The following ZNF197 variants were observed in gnomAD, a reference collection of about 807,000 sequenced individuals.
The protein encoded by ZNF197 is zinc finger protein 197.
Under a neutral mutation model 27.4 loss-of-function variants are expected in ZNF197, and 14 were observed. The ratio of observed to expected loss-of-function variants is 0.51; its 90% CI spans 0.34 to 0.80. ZNF197 has a LOEUF of 0.80. ZNF197 is among the 30% of genes least tolerant of loss of function. The probability of loss-of-function intolerance (pLI) is 0.02; values close to 1 mark genes in which losing one functional copy is unlikely to be tolerated. For missense variants in ZNF197, 1,090 were observed against 1,222.6 expected, an observed-to-expected ratio of 0.89 and a Z score of 1.62; for synonymous variants, 415 against 420.0, an observed-to-expected ratio of 0.99 and a Z score of 0.15.
At position 44,632,069 on chromosome 3, in the gene ZNF197, T is replaced by C. The variant is rs544378003; in HGVS notation, c.551-36T>C. On this transcript the variant is annotated intron_variant, in intron 3 of 5. Coordinates refer to ENST00000344387, the MANE Select transcript of ZNF197 (RefSeq NM_006991.5). Reference sequence around the variant, plus strand: ...CAAGTGGGGTCACTCAGAAAAGGTTTGTAGGTCCCATATGCAGCTTTTTCT... The same window carrying C: ...CAAGTGGGGTCACTCAGAAAAGGTTCGTAGGTCCCATATGCAGCTTTTTCT... The C allele has an allele frequency of 2.2e-5, 35 of 1,596,344 alleles. No homozygotes were observed. The East Asian group carries it at 7.2e-4, about 33-fold the overall frequency.
intron 2 of ZNF197, among the ~76,000 whole-genome samples, chr3:44,629,851 A>G (rs568378906): frequency 1.0e-4 from 15 of 150,438 alleles, no homozygotes; most frequent in African/African-American, 3.6e-4. Context: ...AGAAATGTTA[A>G]TAAGTTTTTC....
At position 44,632,095 on chromosome 3, in the gene ZNF197, C is replaced by T. The variant is rs1702046269; in HGVS notation, c.551-10C>T. The T allele has an allele frequency of 6.2e-7, 1 of 1,613,842 alleles. No homozygotes were observed. Among genetic ancestry groups the T allele is most frequent in the South Asian group, 1.1e-5 (1 of 91,064 alleles). On this transcript the variant is annotated splice_polypyrimidine_tract_variant and intron_variant, in intron 3 of 5. Coordinates refer to ENST00000344387, the MANE Select transcript of ZNF197 (RefSeq NM_006991.5). ...GTAGGTCCCATATGCAGCTTTTTCT[C>T]CCTCCTCAGATTCTCCTGCCCCTGA...
chr3:44,642,769 T>G lies in ZNF197; in HGVS notation c.1639T>G (p.Phe547Val). 1 of 1,613,670 alleles carries G rather than the reference T, an allele frequency of 6.2e-7. No individual in the cohort carries two copies. Among genetic ancestry groups the G allele is most frequent in the Non-Finnish European group, 8.5e-7 (1 of 1,179,972 alleles). ...TAAATGTGATGAATGTGGAAAGACC[T>G]TTGCTCAGACCACTTATCTTATTGA... ...PYKCDECGKT[F>V]AQTTYLIDHQ... Residue 547 changes from phenylalanine (F) to valine (V), a missense_variant, in exon 6 of 6, where the codon TTT becomes GTT. Physicochemically the swap from Phe to Val is conservative, Grantham distance 50. Coordinates refer to ENST00000344387, the MANE Select transcript of ZNF197 (RefSeq NM_006991.5).
Position 44,643,101 on chromosome 3 carries a change from A to G in ZNF197, c.1971A>G (p.Lys657=). The change falls in exon 6 of 6, where the codon AAA becomes AAG. Residue 657 remains lysine, a synonymous_variant. Transcript: ENST00000344387. ...EKPYECNECG[K]VFILKKSLIL... ...CCTATGAATGTAATGAATGTGGGAAAGTTTTTATTCTGAAGAAGAGCCTCA... is the reference window on the plus strand; with the variant it reads ...CCTATGAATGTAATGAATGTGGGAAGGTTTTTATTCTGAAGAAGAGCCTCA... The G allele has an allele frequency of 6.2e-7, 1 of 1,613,822 alleles. No individual in the cohort carries two copies. Among genetic ancestry groups the G allele is most frequent in the Non-Finnish European group, 8.5e-7 (1 of 1,179,932 alleles).
rs564921310 is a variant in ZNF197 at position 44,635,258 on chromosome 3, T to TA, written c.769+2669dup. Among the ~76,000 whole-genome samples, 114 of 149,244 alleles carry TA rather than the reference T, an allele frequency of 7.6e-4. 1 individual carries two copies. Among genetic ancestry groups the TA allele is most frequent in the South Asian group, 6.4e-4 (3 of 4,718 alleles). On this transcript the variant is annotated intron_variant, in intron 5 of 5. Coordinates refer to ENST00000344387, the MANE Select transcript of ZNF197 (RefSeq NM_006991.5). ...GAAACTTGAACCTACTTTAATAAAT[T>TA]AAAAAAAAAATGTGCACTCCGATGT...
Position 44,643,897 on chromosome 3 carries a change from A to T in ZNF197, c.2767A>T (p.Met923Leu). Reference sequence around the variant, plus strand: ...TAAAAACCTTGTTGTACATCAGAGAATGCACACTGGGGAAAAACCTTATGA... The same window carrying T: ...TAAAAACCTTGTTGTACATCAGAGATTGCACACTGGGGAAAAACCTTATGA... ...QNKNLVVHQR[M>L]HTGEKPYECD... The change falls in exon 6 of 6, where the codon ATG becomes TTG. Residue 923 changes from methionine to leucine, a missense_variant. By Grantham distance (15) the Met-to-Leu change is conservative. Coordinates refer to ENST00000344387, the MANE Select transcript of ZNF197 (RefSeq NM_006991.5). 1 of 1,613,968 alleles carries T rather than the reference A, an allele frequency of 6.2e-7. No homozygotes were observed. The highest frequency in any genetic ancestry group is 8.5e-7 in the Non-Finnish European group (1 of 1,179,966).
chr3:44,633,939 T>C (rs1290395412), intron 5 of ZNF197, among the ~76,000 whole-genome samples: 1 of 152,252 alleles, frequency 6.6e-6, no homozygotes, highest in Admixed American at 6.5e-5. Context: ...TAATTTAAAC[T>C]GTACATTTTC....
At position 44,644,210 on chromosome 3, in the gene ZNF197, A is replaced by C. The variant is rs754388666; in HGVS notation, c.3080A>C (p.Gln1027Pro). ...QNTNESKIEI[Q>P]KI is the part of the protein sequence containing the mutation. Reference sequence around the variant, plus strand: ...ACCAATGAGTCCAAGATTGAGATTCAGAAAATCTAGTGTCATATGTAAAAT... The same window carrying C: ...ACCAATGAGTCCAAGATTGAGATTCCGAAAATCTAGTGTCATATGTAAAAT... The change falls in exon 6 of 6, where the codon CAG (glutamine) becomes CCG (proline). Residue 1027 changes from glutamine (Q) to proline (P), a missense_variant. Coordinates refer to ENST00000344387, the MANE Select transcript of ZNF197 (RefSeq NM_006991.5). 1.3e-6 allele frequency: 2 copies of C among 1,588,136 alleles called. No homozygotes were observed. The highest frequency in any genetic ancestry group is 3.7e-5 in the Admixed American group (2 of 54,164).
chr3:44,635,563 G>A (rs1312319749), intron 5 of ZNF197, among the ~76,000 whole-genome samples: 1 of 152,114 alleles, frequency 6.6e-6, no homozygotes, highest in Non-Finnish European at 1.5e-5. Context: ...ATAAACTGTG[G>A]TAGAAAAGTA....
chr3:44,625,130 A>C lies in ZNF197; in HGVS notation c.-95A>C, dbSNP rs1303337678. The C allele has an allele frequency of 2.0e-5, 3 of 151,780 alleles. No individual in the cohort carries two copies. Among genetic ancestry groups the C allele is most frequent in the Non-Finnish European group, 2.9e-5 (2 of 67,940 alleles). 9.4% of individuals were successfully genotyped at this position (151,780 alleles called of 1,614,324 possible). The stretch of plus-strand genomic sequence containing the variant: ...CGGCGGTACGCAAGGCTGGAGCCGC[A>C]GCGGGAGCCCCCGGTGAGCGGGGTG... On this transcript the variant is annotated 5_prime_UTR_variant, in exon 1 of 6. Transcript: ENST00000344387.
chr3:44,637,026 ATTCT>A (rs759931105), intron 5 of ZNF197, among the ~76,000 whole-genome samples: 3 of 152,132 alleles, frequency 2.0e-5, no homozygotes, highest in South Asian at 2.1e-4. Flanking sequence ...GTCTATTCAG[ATTCT>A]TTGTCTATAT....
At position 44,644,105 on chromosome 3, in the gene ZNF197, A is replaced by G. The variant is rs1306783927; in HGVS notation, c.2975A>G (p.Glu992Gly). 6.2e-7 allele frequency: 1 copy of G among 1,614,174 alleles called. No homozygotes were observed. Among genetic ancestry groups the G allele is most frequent in the Non-Finnish European group, 8.5e-7 (1 of 1,180,018 alleles). ...AAACCTTGTGAATGTGATGTGTCTG[A>G]AAAAGAATTCTCTCAGACTTCCAAC... Reference protein sequence around the residue: ...DEKPCECDVSEKEFSQTSNLH... With the variant: ...DEKPCECDVSGKEFSQTSNLH... The change falls in exon 6 of 6, where the codon GAA becomes GGA. Residue 992 changes from glutamate (E) to glycine (G), a missense_variant. Transcript: ENST00000344387.
In ZNF197 at chr3:44,643,318, CAAGAG is replaced by C; in HGVS notation, c.2191_2195del (p.Glu731SerfsTer5). The C allele has an allele frequency of 6.2e-7, 1 of 1,613,676 alleles. No individual in the cohort carries two copies. Among genetic ancestry groups the C allele is most frequent in the Non-Finnish European group, 8.5e-7 (1 of 1,179,894 alleles). ...TATGGTCCATCAGAAACTCCATACA[CAAGAG>C]AAAGCCTACAAATGTGAGGATTGTG... On this transcript the variant is annotated frameshift_variant, in exon 6 of 6. Coordinates refer to ENST00000344387, the MANE Select transcript of ZNF197 (RefSeq NM_006991.5). LOFTEE classifies it low-confidence loss of function (END_TRUNC).
At chr3:44,629,053 T>G (rs981211793) in intron 1 of ZNF197, 21 bp from the exon 2 acceptor site, 2 of 1,495,516 alleles carry the variant, frequency 1.3e-6, no homozygotes, top group Non-Finnish European at 1.8e-6. Flanking sequence ...ACTTTAACAA[T>G]GATTTCTTGA....
chr3:44,637,352 T>G (rs1702357634), intron 5 of ZNF197, among the ~76,000 whole-genome samples: 1 of 152,196 alleles, frequency 6.6e-6, no homozygotes, highest in Non-Finnish European at 1.5e-5. Context: ...AGTCTTGAAC[T>G]CCTGGCCTCA....
At chr3:44,634,372 G>A (rs1299458932) in intron 5 of ZNF197, among the ~76,000 whole-genome samples, 1 of 150,868 alleles carries the variant, frequency 6.6e-6, no homozygotes, top group Admixed American at 6.6e-5. Flanking sequence ...AATCCTTTAT[G>A]TTGTCAAACT....
chr3:44,635,162 TTAAAC>T (rs1472704878), intron 5 of ZNF197, among the ~76,000 whole-genome samples: 1 of 145,450 alleles, frequency 6.9e-6, no homozygotes, highest in East Asian at 1.9e-4. Context: ...GGTCTAAGAG[TTAAAC>T]TAAAAAAAAA....
chr3:44,634,667 C>G (rs1045856646), intron 5 of ZNF197, among the ~76,000 whole-genome samples: 1 of 152,050 alleles, frequency 6.6e-6, no homozygotes, highest in African/African-American at 2.4e-5. Context: ...CCAGGCTGGT[C>G]TTAAACTCCT....
intron 1 of ZNF197, chr3:44,628,844 A>G (rs1701816812): frequency 4.7e-6 from 1 of 213,544 alleles, no homozygotes; most frequent in Non-Finnish European, 9.2e-6. Flanking sequence ...ACAAAGACCA[A>G]AGGAAGTTCA....
Sources: allele counts gnomAD v4.1 joint callset (sites outside exome capture counted in the v4.1 genomes callset), GRCh38; gene constraint gnomAD v4.1.1; transcripts MANE v1.5; gene names NCBI Gene and HGNC (gene_info 2026-07-23, HGNC 2026-07-21).